Variants in MAP3K20 observed in about 807,000 individuals in gnomAD.
The protein encoded by MAP3K20 is mitogen-activated protein kinase kinase kinase 20.
MAP3K20 carries 40 observed loss-of-function variants against 85.7 expected under a neutral mutation model. The observed-to-expected ratio is 0.47, with a 90% confidence interval of 0.36 to 0.61. The LOEUF (loss-of-function observed/expected upper bound fraction) is 0.61, where lower values mean the gene tolerates loss of function less well. Among genes scored for constraint, MAP3K20 ranks in the 20% least tolerant of loss-of-function variants. The pLI is 0.00. For synonymous variants in MAP3K20, 325 were observed against 327.7 expected, an observed-to-expected ratio of 0.99 and a Z score of 0.09; for missense variants, 817 against 961.7, an observed-to-expected ratio of 0.85 and a Z score of 1.99.
intron 2 of MAP3K20, among the ~76,000 whole-genome samples, chr2:173,162,798 A>C (rs1263297328): frequency 6.6e-6 from 1 of 152,088 alleles, no homozygotes; most frequent in Admixed American, 6.6e-5. Flanking sequence ...ATTGACATTC[A>C]TGGGCAAAAG....
chr2:173,154,245 A>G (rs923340518), intron 2 of MAP3K20, among the ~76,000 whole-genome samples: 2 of 152,136 alleles, frequency 1.3e-5, no homozygotes, highest in African/African-American at 4.8e-5. Flanking sequence ...GTGCAGTGGC[A>G]TGATCTCGGC....
chr2:173,090,830 GGTGA>G lies in MAP3K20; in HGVS notation c.-34-164_-34-161del, dbSNP rs1376627789. On this transcript the variant is annotated intron_variant, in intron 1 of 19. Coordinates refer to ENST00000375213, the MANE Select transcript of MAP3K20 (RefSeq NM_016653.3). Reference sequence around the variant, plus strand: ...TGTTGAATTTTGCGTGGGCTGCCAGGGTGAGTGTTTTCGAATTGTTTATAATCTT... The same window carrying G: ...TGTTGAATTTTGCGTGGGCTGCCAGGGTGTTTTCGAATTGTTTATAATCTT... 6 of 1,277,846 alleles carry G rather than the reference GGTGA, an allele frequency of 4.7e-6. No homozygotes were observed. In the South Asian group the frequency reaches 9.4e-5, roughly 20 times the overall value. The allele number at this position is 1,277,846 out of a possible 1,614,324, so 79.2% of individuals were successfully genotyped here.
At chr2:173,094,046 G>A (rs918470807) in intron 2 of MAP3K20, among the ~76,000 whole-genome samples, 3 of 151,092 alleles carry the variant, frequency 2.0e-5, no homozygotes, top group Non-Finnish European at 4.4e-5. Context: ...GCTAGATGAC[G>A]AGTTAGTGGG....
At chr2:173,230,016 G>A (rs2106329593) in intron 12 of MAP3K20, among the ~76,000 whole-genome samples, 2 of 152,250 alleles carry the variant, frequency 1.3e-5, no homozygotes, top group Middle Eastern at 3.4e-3. Context: ...ATTTTTAGTA[G>A]AGATGGCGTT....
Position 173,141,411 on chromosome 2 carries a change from A to G in MAP3K20, c.160-28394A>G, listed in dbSNP as rs187275957. Among the ~76,000 whole-genome samples, 4 of 152,324 alleles carry G rather than the reference A, an allele frequency of 2.6e-5. No individual in the cohort carries two copies. In the East Asian group the frequency reaches 7.7e-4, roughly 29 times the overall value. On this transcript the variant is annotated intron_variant, in intron 2 of 19. Transcript: ENST00000375213. ...TGGAAACTAAAAATTCTAGAACTGT[A>G]AAACTACAGTCTCTTTAAATGTAAA...
Position 173,191,062 on chromosome 2 carries a change from G to C in MAP3K20, c.467G>C (p.Arg156Pro). The C allele has an allele frequency of 6.2e-7, 1 of 1,613,752 alleles. No individual in the cohort carries two copies. Among genetic ancestry groups the C allele is most frequent in the East Asian group, 2.2e-5 (1 of 44,868 alleles). Reference sequence around the variant, plus strand: ...CAGATCTGTGACTTTGGTGCCTCTCGGTTCCATAACCATACAACACACATG... The same window carrying C: ...CAGATCTGTGACTTTGGTGCCTCTCCGTTCCATAACCATACAACACACATG... ...VLKICDFGAS[R>P]FHNHTTHMSL... Residue 156 changes from arginine (R) to proline (P), a missense_variant, in exon 7 of 20, where the codon CGG becomes CCG. By Grantham distance (103) the Arg-to-Pro change is moderately radical (BLOSUM62 -2). Coordinates refer to ENST00000375213, the MANE Select transcript of MAP3K20 (RefSeq NM_016653.3).
rs760788181 is a variant in MAP3K20 at position 173,263,793 on chromosome 2, T to C, written c.1600T>C (p.Trp534Arg). 21 of 1,613,414 alleles carry C rather than the reference T, an allele frequency of 1.3e-5. No homozygotes were observed. Among genetic ancestry groups the C allele is most frequent in the Middle Eastern group, 3.3e-4 (2 of 6,078 alleles). Residue 534 changes from tryptophan to arginine, a missense_variant, in exon 19 of 20, where the codon TGG (tryptophan) becomes CGG (arginine). Trp to Arg is a moderately radical substitution (Grantham distance 101). Transcript: ENST00000375213. Reference sequence around the variant, plus strand: ...CACTAAACATGTCCATTCGATTCAGTGGAGTAGAACAAAACCTCAGGATGA... The same window carrying C: ...CACTAAACATGTCCATTCGATTCAGCGGAGTAGAACAAAACCTCAGGATGA... The part of the protein sequence containing the change: ...KSTKHVHSIQ[W>R]SRTKPQDEVK...
At chr2:173,083,642 T>A (rs1687068753) in intron 1 of MAP3K20, among the ~76,000 whole-genome samples, 1 of 152,242 alleles carries the variant, frequency 6.6e-6, no homozygotes, top group South Asian at 2.1e-4. Flanking sequence ...CTTTCCTCAT[T>A]TTTTTGAAGA....
intron 16 of MAP3K20, among the ~76,000 whole-genome samples, chr2:173,243,906 G>A (rs1002281610): frequency 6.6e-6 from 1 of 152,178 alleles, no homozygotes; most frequent in East Asian, 1.9e-4. Flanking sequence ...GATTACAGGC[G>A]TGAGTCACTG....
At chr2:173,112,173 G>A (rs1173574266) in intron 2 of MAP3K20, among the ~76,000 whole-genome samples, 1 of 152,004 alleles carries the variant, frequency 6.6e-6, no homozygotes, top group Non-Finnish European at 1.5e-5. Flanking sequence ...TGCAGCTATT[G>A]TAAAAGGGGT....
chr2:173,182,750 C>G, intron 3 of MAP3K20, 104 bp from the exon 4 acceptor site: 10 of 822,666 alleles, frequency 1.2e-5, no homozygotes, highest in Non-Finnish European at 1.7e-5. Context: ...TTTTTGATGT[C>G]TTTTGTTAAA....
intron 1 of MAP3K20, 139 bp downstream of exon 1, chr2:173,076,141 G>GCTCCC (rs1686849324): frequency 1.7e-6 from 1 of 581,928 alleles, no homozygotes; most frequent in Admixed American, 6.4e-5. Flanking sequence ...GCTCCTCGGG[G>GCTCCC]CTCCCCTCCC....
rs1415010865 is a variant in MAP3K20 at position 173,266,364 on chromosome 2, TACTC to T, written c.2019_2022del (p.Tyr673Ter). On this transcript the variant is annotated frameshift_variant, in exon 20 of 20. Coordinates refer to ENST00000375213, the MANE Select transcript of MAP3K20 (RefSeq NM_016653.3). LOFTEE classifies it low-confidence loss of function (END_TRUNC). ...TGACACCTCTTCAGAGAGGGGTCGATACTCAGACAGAAGCAGGAACAAATATGGA... is the reference window on the plus strand; with the variant it reads ...TGACACCTCTTCAGAGAGGGGTCGATAGACAGAAGCAGGAACAAATATGGA... The T allele has an allele frequency of 6.2e-7, 1 of 1,614,042 alleles. No individual in the cohort carries two copies. The highest frequency in any genetic ancestry group is 8.5e-7 in the Non-Finnish European group (1 of 1,180,028).
intron 2 of MAP3K20, among the ~76,000 whole-genome samples, chr2:173,094,537 C>T (rs529461143): frequency 4.8e-4 from 73 of 152,282 alleles, no homozygotes; most frequent in Middle Eastern, 3.4e-3. Context: ...TGCATATAAT[C>T]GACATGTCTG....
intron 2 of MAP3K20, among the ~76,000 whole-genome samples, chr2:173,161,369 T>C (rs1689652797): frequency 6.6e-6 from 1 of 152,184 alleles, no homozygotes; most frequent in Admixed American, 6.5e-5. Context: ...CTTAAGCATG[T>C]AAAAGAGCAG....
At chr2:173,168,092 A>G (rs1042490221) in intron 2 of MAP3K20, among the ~76,000 whole-genome samples, 10 of 76,938 alleles carry the variant, frequency 1.3e-4, no homozygotes, top group African/African-American at 2.9e-4. Context: ...ATAATAATAA[A>G]TAAACTTTAT....
intron 2 of MAP3K20, among the ~76,000 whole-genome samples, chr2:173,133,999 A>AAC (rs1688696279): frequency 6.6e-6 from 1 of 151,136 alleles, no homozygotes; most frequent in Non-Finnish European, 1.5e-5. Flanking sequence ...TCAAAAAACA[A>AAC]AAAACAAAAA....
intron 1 of MAP3K20, among the ~76,000 whole-genome samples, chr2:173,089,347 A>T (rs929337652): frequency 6.6e-6 from 1 of 152,154 alleles, no homozygotes; most frequent in Non-Finnish European, 1.5e-5. Flanking sequence ...AGGGATGAGG[A>T]CTGAACCATT....
chr2:173,254,428 C>G lies in MAP3K20; in HGVS notation c.1360-4271C>G, dbSNP rs1417343556. ...CAGCCTGGGCAACAGAGTGAGACTTCGTCTCAAAAAAAAAAAAAAAAAAAA... is the reference window on the plus strand; with the variant it reads ...CAGCCTGGGCAACAGAGTGAGACTTGGTCTCAAAAAAAAAAAAAAAAAAAA... On this transcript the variant is annotated intron_variant, in intron 16 of 19. Coordinates refer to ENST00000375213, the MANE Select transcript of MAP3K20 (RefSeq NM_016653.3). 3.3e-5 allele frequency among the ~76,000 whole-genome samples: 4 copies of G among 121,538 alleles called. No homozygotes were observed. The East Asian group carries it at 6.6e-4, about 20-fold the overall frequency. The allele number at this position is 121,538 out of a possible 152,430, so 79.7% of individuals were successfully genotyped here.
Sources: allele counts gnomAD v4.1 joint callset (sites outside exome capture counted in the v4.1 genomes callset), GRCh38; gene constraint gnomAD v4.1.1; transcripts MANE v1.5; gene names NCBI Gene and HGNC (gene_info 2026-07-23, HGNC 2026-07-21).